The following ABCC5 variants were observed in gnomAD, a reference collection of about 807,000 sequenced individuals.
The protein encoded by ABCC5 is ATP binding cassette subfamily C member 5, also known as ATP-binding cassette sub-family C member 5.
ABCC5 carries 61 observed loss-of-function variants against 160.9 expected under a neutral mutation model. The ratio of observed to expected loss-of-function variants is 0.38; its 90% CI spans 0.31 to 0.47. The LOEUF (loss-of-function observed/expected upper bound fraction) is 0.47. Among genes scored for constraint, ABCC5 ranks in the 20% least tolerant of loss-of-function variants. ABCC5 has a pLI of 0.99. For synonymous variants in ABCC5, 666 were observed against 700.6 expected, an observed-to-expected ratio of 0.95 and a Z score of 0.78; for missense variants, 1,308 against 1,813.3, an observed-to-expected ratio of 0.72 and a Z score of 5.06.
intron 2 of ABCC5, among the ~76,000 whole-genome samples, chr3:184,009,178 C>T (rs1357746920): frequency 6.6e-6 from 1 of 152,104 alleles, no homozygotes; most frequent in African/African-American, 2.4e-5. Flanking sequence ...TCCTGCTTCT[C>T]GGTTAATTCC....
chr3:183,999,732 T>A (rs1340908602), intron 2 of ABCC5, among the ~76,000 whole-genome samples: 4 of 151,942 alleles, frequency 2.6e-5, no homozygotes, highest in Non-Finnish European at 5.9e-5. Flanking sequence ...TGAGCCATGA[T>A]TGCACCTCTG....
chr3:184,014,465 T>G lies in ABCC5; in HGVS notation c.-55-18A>C. The G allele has an allele frequency of 1.3e-6, 2 of 1,493,328 alleles. No homozygotes were observed. The highest frequency in any genetic ancestry group is 4.4e-5 in the Admixed American group (2 of 45,378). 92.5% of individuals were successfully genotyped at this position (1,493,328 alleles called of 1,614,324 possible). A position where few individuals can be genotyped will look rare whatever the true frequency, so the allele number is the denominator to read the frequency against. The stretch of plus-strand genomic sequence containing the variant: ...CAGAATTCCTGAAATTAAAAATTCA[T>G]CAAGAAATAGATTATTTCCTAAACA... On this transcript the variant is annotated intron_variant, in intron 1 of 29. Transcript: ENST00000334444.
intron 20 of ABCC5, among the ~76,000 whole-genome samples, chr3:183,950,555 T>A (rs1442044827): frequency 6.6e-6 from 1 of 152,250 alleles, no homozygotes; most frequent in Non-Finnish European, 1.5e-5. Flanking sequence ...CTTCAACAGT[T>A]ATCAACTTTC....
intron 26 of ABCC5, among the ~76,000 whole-genome samples, chr3:183,932,793 A>G (rs761137852): frequency 6.6e-6 from 1 of 152,120 alleles, no homozygotes; most frequent in Non-Finnish European, 1.5e-5. Context: ...GTGAAACCTC[A>G]CTATTTGGTA....
Position 183,981,746 on chromosome 3 carries a change from T to A in ABCC5, c.1128A>T (p.Ala376=). ...ACTCACTTTGAACACTCTGAGAAAA[T>A]GCTTTGACCCAGGCATACATTTTGA... ...KFIKMYAWVK[A]FSQSVQKIRE... The change falls in exon 8 of 30, where the codon GCA becomes GCT. Residue 376 remains alanine, a synonymous_variant. Coordinates refer to ENST00000334444, the MANE Select transcript of ABCC5 (RefSeq NM_005688.4). 1 of 1,611,070 alleles carries A rather than the reference T, an allele frequency of 6.2e-7. No homozygotes were observed. The highest frequency in any genetic ancestry group is 8.5e-7 in the Non-Finnish European group (1 of 1,179,312).
Position 183,963,257 on chromosome 3 carries a change from T to C in ABCC5, c.2235+128A>G. 2.0e-6 allele frequency: 2 copies of C among 994,740 alleles called. No homozygotes were observed. The highest frequency in any genetic ancestry group is 3.1e-6 in the Non-Finnish European group (2 of 654,080). 61.6% of individuals were successfully genotyped at this position (994,740 alleles called of 1,614,324 possible). On this transcript the variant is annotated intron_variant, in intron 15 of 29. Coordinates refer to ENST00000334444, the MANE Select transcript of ABCC5 (RefSeq NM_005688.4). The surrounding 1 kb of genome is among the most constrained non-coding windows in gnomAD (Gnocchi z 4.6). ...GCTTTATTGGTACAGGGGGCTAATT[T>C]GCTAAGAAAATGAAACCTTGATTCC... is the stretch of plus-strand genomic sequence containing the variant.
chr3:183,925,438 G>A, intron 29 of ABCC5, 117 bp downstream of exon 29: 1 of 1,037,494 alleles, frequency 9.6e-7, no homozygotes, highest in Admixed American at 2.5e-5. Context: ...AAATAGCGCT[G>A]CTGCAAGTGC....
At chr3:183,945,386 G>A (rs1032197071) in intron 24 of ABCC5, among the ~76,000 whole-genome samples, 12 of 152,220 alleles carry the variant, frequency 7.9e-5, no homozygotes, top group African/African-American at 2.9e-4. Context: ...TTTAGAATTC[G>A]CTATGGAGCT....
At chr3:183,997,502 G>A (rs1030279600) in intron 2 of ABCC5, among the ~76,000 whole-genome samples, 6 of 152,056 alleles carry the variant, frequency 3.9e-5, no homozygotes, top group Admixed American at 6.5e-5. Flanking sequence ...TCAAGGTCGG[G>A]GAACTTACTT....
At chr3:183,965,762 G>A (rs1050988725) in intron 12 of ABCC5, among the ~76,000 whole-genome samples, 1 of 152,154 alleles carries the variant, frequency 6.6e-6, no homozygotes, top group African/African-American at 2.4e-5. Context: ...CATTTGCTGT[G>A]TGCAAACTGT....
At chr3:183,943,584 T>C (rs1235005118) in intron 24 of ABCC5, among the ~76,000 whole-genome samples, 1 of 152,182 alleles carries the variant, frequency 6.6e-6, no homozygotes, top group Non-Finnish European at 1.5e-5. Context: ...TATCTCATGA[T>C]CTTTTAAAAC....
chr3:183,926,353 C>T (rs961442727), intron 28 of ABCC5, among the ~76,000 whole-genome samples: 15 of 147,916 alleles, frequency 1.0e-4, no homozygotes, highest in East Asian at 8.6e-4. Context: ...AGATCGAGAC[C>T]ATCCTGGCCA....
intron 17 of ABCC5, among the ~76,000 whole-genome samples, chr3:183,954,626 G>C (rs1240765810): frequency 1.3e-5 from 2 of 152,196 alleles, no homozygotes; most frequent in African/African-American, 4.8e-5. Context: ...TGCTGGAGGA[G>C]AGAAAAGGTT....
rs764390789 is a variant in ABCC5, at chr3:184,014,289, T to A, written c.104A>T (p.Asp35Val). The change falls in exon 2 of 30, where the codon GAT becomes GTT. Residue 35 changes from aspartate (D) to valine (V), a missense_variant. By Grantham distance (152) the Asp-to-Val change is radical (BLOSUM62 -3). Around this residue, in one of 3 missense-constraint regions of ABCC5, gnomAD observed 1,142 missense variants for 1,527.1 expected, o/e 0.75. Coordinates refer to ENST00000334444, the MANE Select transcript of ABCC5 (RefSeq NM_005688.4). ...STSGTHRDRE[D>V]SKFRRTRPLE... The stretch of plus-strand genomic sequence containing the variant: ...CGGTCGAGTTCTCCTGAACTTGGAA[T>A]CTTCACGGTCTCTGTGCGTCCCAGA... 6.2e-5 allele frequency: 100 copies of A among 1,613,962 alleles called. No homozygotes were observed. Among genetic ancestry groups the A allele is most frequent in the Non-Finnish European group, 8.4e-5 (99 of 1,179,998 alleles).
At chr3:183,940,476 A>G (rs1445935572) in intron 25 of ABCC5, among the ~76,000 whole-genome samples, 3 of 150,834 alleles carry the variant, frequency 2.0e-5, no homozygotes, top group African/African-American at 7.3e-5. Flanking sequence ...AAAAAAAAAA[A>G]AAAAAAAAAA....
chr3:183,984,999 A>C, intron 5 of ABCC5: 3 of 963,990 alleles, frequency 3.1e-6, no homozygotes, highest in Non-Finnish European at 4.7e-6. Context: ...AGATGGGAGG[A>C]GCAGGGAAGG....
chr3:183,987,596 TTCA>T lies in ABCC5; in HGVS notation c.591+171_591+173del. 4.8e-6 allele frequency: 4 copies of T among 831,278 alleles called. No homozygotes were observed. The highest frequency in any genetic ancestry group is 4.6e-5 in the South Asian group (3 of 65,288). The allele number at this position is 831,278 out of a possible 1,614,324, so 51.5% of individuals were successfully genotyped here. On this transcript the variant is annotated intron_variant, in intron 5 of 29. Coordinates refer to ENST00000334444, the MANE Select transcript of ABCC5 (RefSeq NM_005688.4). The surrounding 1 kb of genome is among the most constrained non-coding windows in gnomAD (Gnocchi z 4.2). ...ATTTCTTCTCTGGCAACACTGCCCT[TTCA>T]TCCTTCCAGCTGTTGCCAAAATCCA...
At chr3:183,974,786 A>T (rs1162601472) in intron 10 of ABCC5, among the ~76,000 whole-genome samples, 1 of 152,232 alleles carries the variant, frequency 6.6e-6, no homozygotes, top group East Asian at 1.9e-4. Flanking sequence ...AATAAATTAC[A>T]GGTTACATAA....
chr3:183,967,809 AACCACT>A, intron 11 of ABCC5, 43 bp from the exon 12 acceptor site: 1 of 1,475,362 alleles, frequency 6.8e-7, no homozygotes, highest in East Asian at 2.3e-5. Context: ...AGAGACTACT[AACCACT>A]CATCGCTAAG....
Sources: gnomAD v4.1 joint callset for allele counts (sites outside exome capture counted in the v4.1 genomes callset) on GRCh38, gnomAD v4.1.1 for gene constraint, gnomAD v4.1.1 regional missense constraint, Gnocchi (gnomAD v3.1) non-coding constraint, MANE v1.5 for transcripts, NCBI Gene and HGNC (gene_info 2026-07-23, HGNC 2026-07-21) for gene names.